The following RAVER2 variants were observed in gnomAD, a reference collection of about 807,000 sequenced individuals.
RAVER2 encodes ribonucleoprotein, PTB binding 2.
A neutral mutation model predicts 78.1 loss-of-function variants in RAVER2; 46 were observed. The ratio of observed to expected loss-of-function variants is 0.59; its 90% CI spans 0.46 to 0.75. RAVER2 has a LOEUF of 0.75. RAVER2 is among the 30% of genes least tolerant of loss of function. The probability of loss-of-function intolerance (pLI) is 0.00; values close to 1 mark genes in which losing one functional copy is unlikely to be tolerated. For synonymous variants in RAVER2, 311 were observed against 313.3 expected (o/e 0.99, Z 0.08); for missense variants, 793 against 837.5 (o/e 0.95, Z 0.66).
exon 12 of RAVER2, chr1:64,832,338 T>C (rs902909642): frequency 6.6e-6 from 1 of 152,510 alleles, no homozygotes; most frequent in Non-Finnish European, 1.5e-5. Flanking sequence ...AAATCAGTTA[T>C]TTAACCCAAT....
chr1:64,815,152 A>T (rs1653723702), intron 11 of RAVER2: 1 of 168,306 alleles, frequency 5.9e-6, no homozygotes, highest in Non-Finnish European at 1.3e-5. Flanking sequence ...TCCATTCATT[A>T]ACATATTGTC....
chr1:64,786,266 T>G (rs1652777257), intron 4 of RAVER2, among the ~76,000 whole-genome samples: 1 of 152,164 alleles, frequency 6.6e-6, no homozygotes. Context: ...CTAGGTGTGT[T>G]TTTTCTTTAG....
intron 11 of RAVER2, among the ~76,000 whole-genome samples, chr1:64,818,485 G>A (rs990485391): frequency 1.3e-5 from 2 of 152,110 alleles, no homozygotes; most frequent in Non-Finnish European, 2.9e-5. Context: ...GCAGTGAGCC[G>A]AGATTGCGCC....
At chr1:64,812,633 T>C (rs1455837570) in intron 9 of RAVER2, 105 bp from the exon 10 acceptor site, 1 of 645,590 alleles carries the variant, frequency 1.5e-6, no homozygotes, top group African/African-American at 1.9e-5. Flanking sequence ...CATAAATATT[T>C]CATAAGTACA....
intron 2 of RAVER2, among the ~76,000 whole-genome samples, chr1:64,771,458 A>G (rs1006741907): frequency 6.6e-6 from 1 of 152,064 alleles, no homozygotes; most frequent in African/African-American, 2.4e-5. Flanking sequence ...TTATAGATGG[A>G]AATCTGGACC....
intron 3 of RAVER2, among the ~76,000 whole-genome samples, chr1:64,780,691 T>C (rs958732113): frequency 1.3e-5 from 2 of 152,204 alleles, no homozygotes; most frequent in South Asian, 4.1e-4. Context: ...CTTGTTCTTA[T>C]TTTTGCTCTT....
chr1:64,832,610 A>AAGTC (rs1654184119), exon 12 of RAVER2: 3 of 152,114 alleles, frequency 2.0e-5, no homozygotes, highest in Admixed American at 2.0e-4. Context: ...TTTAATTATG[A>AAGTC]AGTCTAGAAT....
At chr1:64,781,238 C>A in intron 3 of RAVER2, 142 bp from the exon 4 acceptor site, 2 of 751,248 alleles carry the variant, frequency 2.7e-6, no homozygotes, top group African/African-American at 1.7e-5. Context: ...AATTAGTAAA[C>A]ATTTTCATAA....
At chr1:64,832,368 T>TATC (rs1468921566) in exon 12 of RAVER2, 3 of 152,648 alleles carry the variant, frequency 2.0e-5, no homozygotes, top group East Asian at 3.8e-4. Flanking sequence ...AAAGAAGTTT[T>TATC]ATCTTTATGG....
In RAVER2 at chr1:64,832,978, AAAAC is replaced by A. The variant is rs147707540; in HGVS notation, c.*2005_*2008del. The A allele has an allele frequency of 2.0e-3, 325 of 166,022 alleles. 1 individual carries two copies. Among genetic ancestry groups the A allele is most frequent in the African/African-American group, 4.3e-3 (180 of 41,974 alleles). 10.3% of individuals were successfully genotyped at this position (166,022 alleles called of 1,614,324 possible). ...AAAGCAGGAAGAGGTTGAAGGAACT[AAAAC>A]AAACAAACAAAGGTGTCTGGACTAC... On this transcript the variant is annotated 3_prime_UTR_variant, in exon 12 of 12. Transcript: ENST00000294428.
chr1:64,779,103 T>C (rs144910390), intron 3 of RAVER2, among the ~76,000 whole-genome samples: 1 of 151,758 alleles, frequency 6.6e-6, no homozygotes, highest in African/African-American at 2.4e-5. Flanking sequence ...TTAACATATG[T>C]ATTACCTCAC....
chr1:64,764,730 T>C (rs1229859737), intron 1 of RAVER2, among the ~76,000 whole-genome samples: 1 of 152,202 alleles, frequency 6.6e-6, no homozygotes, highest in Non-Finnish European at 1.5e-5. Flanking sequence ...GTCCAAAATG[T>C]GTAGGGCATG....
chr1:64,758,651 A>G (rs2100810303), intron 1 of RAVER2, among the ~76,000 whole-genome samples: 1 of 152,308 alleles, frequency 6.6e-6, no homozygotes, highest in South Asian at 2.1e-4. Flanking sequence ...AATTCTGCTA[A>G]CTACCTTAGT....
chr1:64,756,980 A>T (rs150432373), intron 1 of RAVER2, among the ~76,000 whole-genome samples: 1 of 152,354 alleles, frequency 6.6e-6, no homozygotes, highest in Non-Finnish European at 1.5e-5. Flanking sequence ...GGGGTACATG[A>T]CATTAACATG....
Position 64,745,491 on chromosome 1 carries a change from A to G in RAVER2, c.249+70A>G. 1 of 1,443,226 alleles carries G rather than the reference A, an allele frequency of 6.9e-7. No individual in the cohort carries two copies. Among genetic ancestry groups the G allele is most frequent in the Non-Finnish European group, 9.2e-7 (1 of 1,083,664 alleles). The allele number at this position is 1,443,226 out of a possible 1,614,324, so 89.4% of individuals were successfully genotyped here. A position where few individuals can be genotyped will look rare whatever the true frequency, so the allele number is the denominator to read the frequency against. On this transcript the variant is annotated intron_variant, in intron 1 of 11. Coordinates refer to ENST00000294428, the Ensembl canonical transcript of RAVER2. This position sits in a 1 kb window ranked among gnomAD's most constrained non-coding sequence, Gnocchi z 4.3. The stretch of plus-strand genomic sequence containing the variant: ...GGCGGCGCTCCGTGTCCAGGCTGGG[A>G]TCGGGGGCGCCTCAGAGCGGTCCTG...
intron 5 of RAVER2, among the ~76,000 whole-genome samples, chr1:64,795,016 A>AT (rs1011620113): frequency 2.1e-4 from 31 of 149,476 alleles, no homozygotes; most frequent in Admixed American, 1.3e-3. Context: ...AAGAGTCCAG[A>AT]TTTTTTTTTT....
exon 9 of RAVER2, chr1:64,807,227 A>C: frequency 1.2e-6 from 2 of 1,613,922 alleles, no homozygotes; most frequent in South Asian, 1.1e-5. Context: ...ATTCCAACTC[A>C]AACAACGATA....
chr1:64,759,343 T>C (rs1180603529), intron 1 of RAVER2, among the ~76,000 whole-genome samples: 26 of 141,148 alleles, frequency 1.8e-4, no homozygotes, highest in East Asian at 1.8e-3. Context: ...CCTCAGCCTC[T>C]GGAGTAGCTG....
At chr1:64,798,958 A>C (rs533549702) in intron 5 of RAVER2, among the ~76,000 whole-genome samples, 4 of 152,334 alleles carry the variant, frequency 2.6e-5, no homozygotes, top group African/African-American at 4.8e-5. Flanking sequence ...CCTCTCTTCT[A>C]GCTATTTCAA....
Sources: allele counts gnomAD v4.1 joint callset (sites outside exome capture counted in the v4.1 genomes callset), GRCh38; gene constraint gnomAD v4.1.1; non-coding constraint Gnocchi (gnomAD v3.1); transcripts MANE v1.5; gene names NCBI Gene and HGNC (gene_info 2026-07-23, HGNC 2026-07-21).